The following MID1 variants were observed in gnomAD, a reference collection of about 807,000 sequenced individuals.
MID1 encodes midline 1.
MID1 carries 7 observed loss-of-function variants against 40.4 expected under a neutral mutation model. The ratio of observed to expected loss-of-function variants is 0.17; its 90% confidence interval spans 0.10 to 0.33. The LOEUF is 0.33. MID1 is among the 10% of genes least tolerant of loss of function. The probability of loss-of-function intolerance (pLI) is 1.00; values close to 1 mark genes in which losing one functional copy is unlikely to be tolerated. For missense variants in MID1, 367 were observed against 558.5 expected (o/e 0.66, Z 3.46); for synonymous variants, 229 against 221.2 (o/e 1.04, Z -0.31).
chrX:10,663,926 A>G (rs896359933), intron 1 of MID1, among the ~76,000 whole-genome samples: 1 of 111,777 alleles, frequency 8.9e-6, no homozygotes, highest in Admixed American at 9.5e-5. Flanking sequence ...TTGTATGAGT[A>G]TACACGCATC....
chrX:10,820,950 A>G (rs1344149146), intron 1 of MID1, among the ~76,000 whole-genome samples: 2 of 112,339 alleles, frequency 1.8e-5, no homozygotes, highest in East Asian at 5.6e-4. Flanking sequence ...AATTGTAAAC[A>G]TAAGTTATTA....
chrX:10,771,766 C>T (rs2043772471), intron 1 of MID1, among the ~76,000 whole-genome samples: 1 of 107,244 alleles, frequency 9.3e-6, no homozygotes. Context: ...GCCTGGGCCT[C>T]CCAAAGTGCT....
chrX:10,733,132 G>A (rs1019421119), intron 1 of MID1, among the ~76,000 whole-genome samples: 7 of 111,735 alleles, frequency 6.3e-5, no homozygotes, highest in Non-Finnish European at 1.3e-4. Flanking sequence ...AAAGTGCTGG[G>A]ATTACAGGCG....
intron 1 of MID1, among the ~76,000 whole-genome samples, chrX:10,662,932 C>G (rs960675836): frequency 1.8e-5 from 2 of 111,734 alleles, no homozygotes; most frequent in African/African-American, 3.3e-5. Flanking sequence ...CTACAACTGT[C>G]TAAATACACT....
upstream of MID1, among the ~76,000 whole-genome samples, chrX:10,624,492 A>T (rs1015955190): frequency 2.7e-5 from 3 of 112,345 alleles, no homozygotes; most frequent in African/African-American, 9.7e-5. Flanking sequence ...TTTTAACAGC[A>T]TCTAGTTTGT....
At chrX:10,474,223 G>T (rs181824460) in intron 6 of MID1, among the ~76,000 whole-genome samples, 163 of 111,851 alleles carry the variant, frequency 1.5e-3, no homozygotes, top group Non-Finnish European at 1.7e-3. Context: ...ATTAAAACAA[G>T]ATCACAAATA....
chrX:10,489,782 G>A (rs1602295635), intron 4 of MID1, among the ~76,000 whole-genome samples: 2 of 104,479 alleles, frequency 1.9e-5, no homozygotes, highest in East Asian at 3.1e-4. Flanking sequence ...TGCAAACTCC[G>A]CCTCCCGGAT....
intron 1 of MID1, among the ~76,000 whole-genome samples, chrX:10,823,808 C>T (rs1399449656): frequency 9.0e-6 from 1 of 111,233 alleles, no homozygotes; most frequent in Non-Finnish European, 1.9e-5. Context: ...ATGAAATGGT[C>T]TTGGAAGCGA....
At chrX:10,758,142 G>A (rs7053765) in intron 1 of MID1, among the ~76,000 whole-genome samples, 2 of 78,252 alleles carry the variant, frequency 2.6e-5, no homozygotes, top group African/African-American at 5.7e-5. Context: ...TTTTTTTTTT[G>A]TTTTGTATTT....
In MID1 at chrX:10,720,557, G is replaced by A. The variant is rs772550197; in HGVS notation, c.-186-100138C>T. On this transcript the variant is annotated intron_variant, in intron 1 of 10. Transcript: ENST00000380785. Reference sequence around the variant, plus strand: ...CAAAAGTCAGGAAACAACAGGTGCTGGAGAGGATGTGGAGAAATAGAAACA... The same window carrying A: ...CAAAAGTCAGGAAACAACAGGTGCTAGAGAGGATGTGGAGAAATAGAAACA... Among the ~76,000 whole-genome samples, 13 of 111,836 alleles carry A rather than the reference G, an allele frequency of 1.2e-4. No homozygotes were observed. The East Asian group carries it at 3.4e-3, about 29-fold the overall frequency.
chrX:10,728,271 G>A (rs2043412182), intron 1 of MID1, among the ~76,000 whole-genome samples: 1 of 111,400 alleles, frequency 9.0e-6, no homozygotes, highest in Admixed American at 9.6e-5. Context: ...TTCCATGGGA[G>A]TGGGTGGCCA....
At chrX:10,544,597 A>C (rs1409407631) in intron 2 of MID1, among the ~76,000 whole-genome samples, 1 of 112,523 alleles carries the variant, frequency 8.9e-6, no homozygotes, top group Non-Finnish European at 1.9e-5. Flanking sequence ...GCTCACTCTA[A>C]ATAAAACCAG....
intron 1 of MID1, among the ~76,000 whole-genome samples, chrX:10,818,048 T>C (rs1014597185): frequency 7.1e-5 from 8 of 112,483 alleles, no homozygotes; most frequent in African/African-American, 2.6e-4. Context: ...TAAGATTTTG[T>C]TGTTGATTAG....
intron 1 of MID1, among the ~76,000 whole-genome samples, chrX:10,670,697 A>G (rs2042982304): frequency 8.9e-6 from 1 of 112,395 alleles, no homozygotes; most frequent in Non-Finnish European, 1.9e-5. Context: ...CACATAGCAG[A>G]GTGAGAGACC....
At chrX:10,476,331 G>A (rs949026710) in intron 5 of MID1, among the ~76,000 whole-genome samples, 4 of 110,506 alleles carry the variant, frequency 3.6e-5, no homozygotes, top group African/African-American at 1.3e-4. Context: ...TGTCCTAAAT[G>A]CCACTGAATC....
Position 10,812,327 on chromosome X carries a change from T to C in MID1, c.-187+21227A>G, listed in dbSNP as rs190311238. Among the ~76,000 whole-genome samples the C allele has an allele frequency of 9.9e-5, 11 of 111,520 alleles. No individual in the cohort carries two copies. In the East Asian group the frequency reaches 2.5e-3, roughly 26 times the overall value. The stretch of plus-strand genomic sequence containing the variant: ...TTACATGTATGTGCTTATGTTCTTC[T>C]GGTTGATAGGCTGCCACATATTTAA... On this transcript the variant is annotated intron_variant, in intron 1 of 10. Transcript: ENST00000380785.
chrX:10,600,285 A>AC (rs1348816460), intron 1 of MID1, among the ~76,000 whole-genome samples: 2 of 109,988 alleles, frequency 1.8e-5, no homozygotes, highest in Admixed American at 9.7e-5. Flanking sequence ...ACATAGTGAG[A>AC]CCCCATCTCA....
chrX:10,600,218 T>C (rs1031757730), intron 1 of MID1, among the ~76,000 whole-genome samples: 15 of 110,702 alleles, frequency 1.4e-4, no homozygotes, highest in African/African-American at 4.9e-4. Flanking sequence ...CTCAGCATTT[T>C]GGGTGGCTGA....
At chrX:10,828,613 A>G (rs1255213249) in intron 1 of MID1, among the ~76,000 whole-genome samples, 1 of 112,188 alleles carries the variant, frequency 8.9e-6, no homozygotes, top group Non-Finnish European at 1.9e-5. Context: ...AGGGTGTCAA[A>G]CACAAAAACC....
Sources: gnomAD v4.1 joint callset for allele counts (sites outside exome capture counted in the v4.1 genomes callset) on GRCh38, gnomAD v4.1.1 for gene constraint, MANE v1.5 for transcripts, NCBI Gene and HGNC (gene_info 2026-07-23, HGNC 2026-07-21) for gene names.